The following PDE4D variants were observed in gnomAD, a reference collection of about 807,000 sequenced individuals.
The protein encoded by PDE4D is phosphodiesterase 4D.
In PDE4D, 24 loss-of-function variants were observed where a neutral mutation model predicts 87.4. That is an observed-to-expected ratio of 0.27 (90% CI 0.20 to 0.39). PDE4D has a LOEUF of 0.39. PDE4D is among the 10% of genes least tolerant of loss of function. The pLI is 1.00. For missense variants in PDE4D, 714 were observed against 1,041.0 expected (o/e 0.69, Z 4.32); for synonymous variants, 384 against 383.2 (o/e 1.00, Z -0.02).
At chr5:60,246,765 T>C (rs1282230598) in intron 1 of PDE4D, among the ~76,000 whole-genome samples, 1 of 151,952 alleles carries the variant, frequency 6.6e-6, no homozygotes, top group African/African-American at 2.4e-5. Context: ...TTGCTAACTC[T>C]CACTTGTGGG....
intron 1 of PDE4D, among the ~76,000 whole-genome samples, chr5:59,555,060 G>T (rs567151459): frequency 6.6e-6 from 1 of 152,066 alleles, no homozygotes; most frequent in Non-Finnish European, 1.5e-5. Flanking sequence ...ACATATGTTC[G>T]TTGTAGCACT....
chr5:60,520,841 C>G (rs1042308916), intron 1 of PDE4D, among the ~76,000 whole-genome samples: 3 of 152,148 alleles, frequency 2.0e-5, no homozygotes, highest in African/African-American at 7.2e-5. Flanking sequence ...TCAAAGGCTT[C>G]CTCCCAGAGT....
intron 5 of PDE4D, among the ~76,000 whole-genome samples, chr5:59,156,191 G>C (rs1055485610): frequency 6.6e-6 from 1 of 151,832 alleles, no homozygotes; most frequent in Non-Finnish European, 1.5e-5. Flanking sequence ...TTCCCAAAGT[G>C]AGTAAGGAGG....
intron 1 of PDE4D, chr5:59,430,433 A>C: frequency 8.1e-7 from 1 of 1,231,042 alleles, no homozygotes; most frequent in African/African-American, 1.6e-5. Flanking sequence ...TCCAAAAGGC[A>C]AGAAGTAAAA....
intron 2 of PDE4D, among the ~76,000 whole-genome samples, chr5:60,071,394 A>G (rs1477697400): frequency 6.6e-6 from 1 of 152,098 alleles, no homozygotes; most frequent in Non-Finnish European, 1.5e-5. Context: ...TTGCCACATT[A>G]AAAGCTGCCA....
intron 3 of PDE4D, among the ~76,000 whole-genome samples, chr5:59,984,559 T>G (rs185892117): frequency 3.9e-5 from 6 of 152,332 alleles, no homozygotes; most frequent in Admixed American, 2.0e-4. Context: ...AAGTGTACAT[T>G]TGAACACATT....
intron 1 of PDE4D, among the ~76,000 whole-genome samples, chr5:60,258,925 C>A (rs1187650426): frequency 6.6e-6 from 1 of 151,912 alleles, no homozygotes; most frequent in African/African-American, 2.4e-5. Flanking sequence ...TAAAAATTAT[C>A]TTTGCAGGAA....
At chr5:59,986,796 G>A (rs918375024) in intron 3 of PDE4D, 2 of 152,168 alleles carry the variant, frequency 1.3e-5, no homozygotes, top group Non-Finnish European at 2.9e-5. Context: ...CTGGAAATCT[G>A]GAAGTTTGTA....
At chr5:60,440,028 C>T (rs1745076899) in intron 1 of PDE4D, among the ~76,000 whole-genome samples, 1 of 151,994 alleles carries the variant, frequency 6.6e-6, no homozygotes, top group African/African-American at 2.4e-5. Flanking sequence ...GTACTTTCTC[C>T]CTCCTTCACT....
chr5:60,281,998 C>T (rs1751953358), intron 1 of PDE4D, among the ~76,000 whole-genome samples: 1 of 151,070 alleles, frequency 6.6e-6, no homozygotes, highest in Admixed American at 6.6e-5. Context: ...GATTGTAGCA[C>T]TGCACTCCAG....
intron 1 of PDE4D, among the ~76,000 whole-genome samples, chr5:59,369,736 T>C (rs1336226824): frequency 2.6e-5 from 4 of 152,084 alleles, no homozygotes; most frequent in Non-Finnish European, 4.4e-5. Context: ...GCAGGCTCCT[T>C]TGTACTGCAG....
intron 1 of PDE4D, among the ~76,000 whole-genome samples, chr5:59,458,670 T>C (rs1800286057): frequency 6.6e-6 from 1 of 152,200 alleles, no homozygotes; most frequent in Non-Finnish European, 1.5e-5. Flanking sequence ...GATTGGTACC[T>C]TGTTAACCTA....
intron 1 of PDE4D, among the ~76,000 whole-genome samples, chr5:60,207,723 T>C (rs983278565): frequency 6.6e-6 from 1 of 152,232 alleles, no homozygotes; most frequent in African/African-American, 2.4e-5. Context: ...TGATGAGGTA[T>C]AAATGAGATT....
At chr5:60,475,896 A>G (rs173591) in intron 1 of PDE4D, among the ~76,000 whole-genome samples, 16,816 of 151,528 alleles carry the variant, frequency 0.11, 1,331 homozygotes, top group East Asian at 0.37. Flanking sequence ...GTGAAATGTC[A>G]TATAGAAGGT....
intron 2 of PDE4D, among the ~76,000 whole-genome samples, chr5:60,076,202 A>T (rs1282627824): frequency 2.6e-5 from 4 of 151,264 alleles, no homozygotes; most frequent in African/African-American, 9.8e-5. Flanking sequence ...TCTGTTGCCC[A>T]GTCTGGAGTG....
At chr5:59,894,221 C>T (rs1167447952), upstream of PDE4D, among the ~76,000 whole-genome samples, 2 of 152,168 alleles carry the variant, frequency 1.3e-5, no homozygotes, top group African/African-American at 2.4e-5. Context: ...CCCACTGCCC[C>T]GGAGCCTTCC....
chr5:59,748,175 T>C (rs1759898345), intron 1 of PDE4D, among the ~76,000 whole-genome samples: 2 of 152,196 alleles, frequency 1.3e-5, no homozygotes, highest in African/African-American at 2.4e-5. Context: ...CAGAAGAATA[T>C]GGCAGAGTAA....
chr5:59,091,506 T>A (rs977007130), intron 5 of PDE4D, among the ~76,000 whole-genome samples: 1 of 152,108 alleles, frequency 6.6e-6, no homozygotes, highest in Non-Finnish European at 1.5e-5. Flanking sequence ...ATTTTACAAC[T>A]ATAATATTGC....
chr5:59,236,484 C>T (rs556713555), intron 1 of PDE4D, among the ~76,000 whole-genome samples: 5 of 152,304 alleles, frequency 3.3e-5, no homozygotes, highest in Admixed American at 3.3e-4. Flanking sequence ...CCAGGAATCT[C>T]TATTTTCAAA....
Sources: allele counts gnomAD v4.1 joint callset (sites outside exome capture counted in the v4.1 genomes callset), GRCh38; gene constraint gnomAD v4.1.1; transcripts MANE v1.5; gene names NCBI Gene and HGNC (gene_info 2026-07-23, HGNC 2026-07-21).